Variants in STK32C observed in about 807,000 individuals in gnomAD.
The protein encoded by STK32C is serine/threonine kinase 32C.
Under a neutral mutation model 56.5 loss-of-function variants are expected in STK32C, and 31 were observed. The ratio of observed to expected loss-of-function variants is 0.55; its 90% confidence interval spans 0.41 to 0.74. The LOEUF (loss-of-function observed/expected upper bound fraction) is 0.74. STK32C is among the 30% of genes least tolerant of loss of function. The pLI is 0.00. For missense variants in STK32C, 544 were observed against 676.9 expected, an observed-to-expected ratio of 0.80 and a Z score of 2.18; for synonymous variants, 309 against 289.4, an observed-to-expected ratio of 1.07 and a Z score of -0.69.
At chr10:132,238,833 C>T (rs1050256716) in intron 2 of STK32C, among the ~76,000 whole-genome samples, 1 of 152,158 alleles carries the variant, frequency 6.6e-6, no homozygotes, top group African/African-American at 2.4e-5. Context: ...GGCATGCACA[C>T]ACACGCAACA....
rs1291417642 is a variant in STK32C at position 132,255,491 on chromosome 10, G to A, written c.263-9536C>T. On this transcript the variant is annotated intron_variant, in intron 1 of 11. Coordinates refer to ENST00000298630, the MANE Select transcript of STK32C (RefSeq NM_173575.4). This position sits in a 1 kb window ranked among gnomAD's most constrained non-coding sequence, Gnocchi z 4.6. Reference sequence around the variant, plus strand: ...GACGGGCAGGGTTGACGCAGATGGGGACAAGACAGGTGGGGGCTAGAGACA... The same window carrying A: ...GACGGGCAGGGTTGACGCAGATGGGAACAAGACAGGTGGGGGCTAGAGACA... Among the ~76,000 whole-genome samples, 1 of 152,186 alleles carries A rather than the reference G, an allele frequency of 6.6e-6. No homozygotes were observed. Among genetic ancestry groups the A allele is most frequent in the African/African-American group, 2.4e-5 (1 of 41,436 alleles).
intron 1 of STK32C, among the ~76,000 whole-genome samples, chr10:132,284,279 C>A (rs1214658512): frequency 3.8e-5 from 5 of 132,368 alleles, no homozygotes; most frequent in African/African-American, 1.4e-4. Context: ...AGAACAGGGG[C>A]AGGTGAGGTT....
intron 1 of STK32C, among the ~76,000 whole-genome samples, chr10:132,277,721 G>A (rs934469508): frequency 6.6e-6 from 1 of 152,196 alleles, no homozygotes; most frequent in Non-Finnish European, 1.5e-5. Flanking sequence ...AAAGCATTGT[G>A]GGGAGCAGGG....
chr10:132,233,402 T>A (rs555918906), intron 2 of STK32C, among the ~76,000 whole-genome samples: 22 of 152,300 alleles, frequency 1.4e-4, no homozygotes, highest in Admixed American at 9.8e-4. Context: ...TTGTCCCAGG[T>A]CCCTCTCCCT....
intron 2 of STK32C, among the ~76,000 whole-genome samples, chr10:132,242,706 C>A (rs1043883866): frequency 3.3e-5 from 5 of 152,206 alleles, no homozygotes; most frequent in African/African-American, 9.7e-5. Context: ...GGGCCCACCA[C>A]TGTTTTGGGT....
At chr10:132,274,810 G>C (rs187623826) in intron 1 of STK32C, among the ~76,000 whole-genome samples, 2 of 152,202 alleles carry the variant, frequency 1.3e-5, no homozygotes, top group Non-Finnish European at 2.9e-5. Flanking sequence ...CTGTCGCTCC[G>C]CCGCACAGGC....
chr10:132,331,992 A>G (rs2066787433), upstream of STK32C: 2 of 337,996 alleles, frequency 5.9e-6, no homozygotes, highest in Admixed American at 6.2e-5. Flanking sequence ...CAGGCGCACC[A>G]CACCCGACCC....
chr10:132,226,952 C>T lies in STK32C; in HGVS notation c.487G>A (p.Glu163Lys), dbSNP rs138252367. The T allele has an allele frequency of 2.9e-5, 46 of 1,613,210 alleles. No homozygotes were observed. The highest frequency in any genetic ancestry group is 3.6e-5 in the Non-Finnish European group (42 of 1,180,020). Residue 163 changes from glutamate to lysine, a missense_variant, in exon 4 of 12, where the codon GAG (glutamate) becomes AAG (lysine). Transcript: ENST00000298630. The stretch of plus-strand genomic sequence containing the variant: ...TCCACGACCATGAACATGTCCTCCT[C>T]GTCCTGGAAGGAGTACCTGTGGGCA... The part of the protein sequence containing the change: ...LVNLWYSFQD[E>K]EDMFMVVDLL...
upstream of STK32C, among the ~76,000 whole-genome samples, chr10:132,312,331 C>T (rs980422602): frequency 2.0e-5 from 3 of 152,024 alleles, no homozygotes; most frequent in Non-Finnish European, 4.4e-5. Context: ...ATTTTCAGCT[C>T]GAAAGTCTCC....
intron 10 of STK32C, among the ~76,000 whole-genome samples, chr10:132,218,625 T>C (rs1370960098): frequency 6.6e-6 from 1 of 152,112 alleles, no homozygotes; most frequent in African/African-American, 2.4e-5. Context: ...ACACCTGCTG[T>C]AGAAAAGGGT....
chr10:132,279,078 G>A (rs2065075044), intron 1 of STK32C, among the ~76,000 whole-genome samples: 1 of 152,158 alleles, frequency 6.6e-6, no homozygotes, highest in Admixed American at 6.5e-5. Flanking sequence ...AAGTGGCCCA[G>A]CCCTTCTAGA....
intron 1 of STK32C, among the ~76,000 whole-genome samples, chr10:132,263,853 G>A (rs960858149): frequency 1.5e-5 from 2 of 131,742 alleles, no homozygotes; most frequent in Admixed American, 8.5e-5. Context: ...ATGACAGAAC[G>A]AGACTCCATC....
intron 1 of STK32C, among the ~76,000 whole-genome samples, chr10:132,268,204 T>C (rs1343299383): frequency 2.0e-5 from 3 of 149,814 alleles, no homozygotes; most frequent in Non-Finnish European, 4.4e-5. Flanking sequence ...TCTATGCCTG[T>C]GTGCATGCAT....
chr10:132,274,210 G>A (rs548694891), intron 1 of STK32C, among the ~76,000 whole-genome samples: 12 of 152,296 alleles, frequency 7.9e-5, no homozygotes, highest in Non-Finnish European at 4.4e-5. Flanking sequence ...GGGACTCAGC[G>A]GAGAGGCTGG....
intron 1 of STK32C, among the ~76,000 whole-genome samples, chr10:132,301,947 T>C (rs1314388479): frequency 2.0e-5 from 3 of 152,058 alleles, no homozygotes; most frequent in Non-Finnish European, 2.9e-5. Flanking sequence ...CTCACTAAAC[T>C]CTCACACTCA....
Position 132,307,321 on chromosome 10 carries a change from G to A in STK32C, c.262+251C>T, listed in dbSNP as rs2066108659. 5.9e-6 allele frequency: 2 copies of A among 340,114 alleles called. No individual in the cohort carries two copies. Among genetic ancestry groups the A allele is most frequent in the South Asian group, 1.3e-4 (2 of 15,816 alleles). The allele number at this position is 340,114 out of a possible 1,614,324, so 21.1% of individuals were successfully genotyped here. The stretch of plus-strand genomic sequence containing the variant: ...AAGCCCGGAGACGCCACAGCCGCGG[G>A]GGACCCTCGCCCCGAGGGCCCGGGC... On this transcript the variant is annotated intron_variant, in intron 1 of 11. Coordinates refer to ENST00000298630, the MANE Select transcript of STK32C (RefSeq NM_173575.4). This position sits in a 1 kb window ranked among gnomAD's most constrained non-coding sequence, Gnocchi z 4.4.
chr10:132,225,810 T>C (rs1172234101), intron 4 of STK32C, 26 bp from the exon 5 acceptor site: 2 of 1,613,258 alleles, frequency 1.2e-6, no homozygotes, highest in Non-Finnish European at 1.7e-6. Context: ...AGTGGGAAGG[T>C]GAGTTGGGAA....
chr10:132,227,060 A>G, intron 3 of STK32C, 92 bp from the exon 4 acceptor site: 1 of 1,427,542 alleles, frequency 7.0e-7, no homozygotes, highest in African/African-American at 1.4e-5. Flanking sequence ...TAAGGACCAC[A>G]GCCCCACCCC....
intron 1 of STK32C, among the ~76,000 whole-genome samples, chr10:132,314,579 A>G (rs1250669679): frequency 6.6e-6 from 1 of 152,196 alleles, no homozygotes; most frequent in Non-Finnish European, 1.5e-5. Context: ...CAAATGCAAG[A>G]CCCTAATATG....
Sources: allele counts gnomAD v4.1 joint callset (sites outside exome capture counted in the v4.1 genomes callset), GRCh38; gene constraint gnomAD v4.1.1; non-coding constraint Gnocchi (gnomAD v3.1); transcripts MANE v1.5; gene names NCBI Gene and HGNC (gene_info 2026-07-23, HGNC 2026-07-21).